Variants in UTP20 observed in about 807,000 individuals in gnomAD.
UTP20 encodes small subunit processome component 20 homolog.
Under a neutral mutation model 329.5 loss-of-function variants are expected in UTP20, and 164 were observed. That is an observed-to-expected ratio of 0.50 (90% CI 0.44 to 0.57). The LOEUF is 0.57. Among genes scored for constraint, UTP20 ranks in the 20% least tolerant of loss-of-function variants. The pLI, the probability that UTP20 is intolerant of heterozygous loss-of-function variation, is 0.00. For missense variants in UTP20, 3,055 were observed against 3,284.2 expected, an observed-to-expected ratio of 0.93 and a Z score of 1.71; for synonymous variants, 1,151 against 1,159.3, an observed-to-expected ratio of 0.99 and a Z score of 0.14.
intron 26 of UTP20, among the ~76,000 whole-genome samples, 172 bp downstream of exon 26, chr12:101,327,419 G>A (rs1231807928): frequency 2.0e-5 from 3 of 152,116 alleles, no homozygotes; most frequent in Admixed American, 6.5e-5. Context: ...ATTAAATTGC[G>A]TGAAACTGAC....
intron 19 of UTP20, among the ~76,000 whole-genome samples, chr12:101,310,434 T>C (rs1046884355): frequency 2.0e-5 from 3 of 151,560 alleles, no homozygotes; most frequent in African/African-American, 7.3e-5. Context: ...AATTAGCCAG[T>C]CATGGTGGCA....
chr12:101,293,048 G>C, intron 10 of UTP20, 120 bp from the exon 11 acceptor site: 1 of 952,948 alleles, frequency 1.0e-6, no homozygotes, highest in Non-Finnish European at 1.6e-6. Context: ...GAGAAGGCCG[G>C]GCAACTGGAC....
chr12:101,352,364 G>A (rs574394492), intron 39 of UTP20, among the ~76,000 whole-genome samples, 170 bp downstream of exon 39: 1 of 152,084 alleles, frequency 6.6e-6, no homozygotes, highest in Non-Finnish European at 1.5e-5. Context: ...AAACATACGT[G>A]TGCATGTGTC....
In UTP20 at chr12:101,300,155, T is replaced by C. The variant is rs1329823553; in HGVS notation, c.1675+94T>C. 3 of 1,246,644 alleles carry C rather than the reference T, an allele frequency of 2.4e-6. No homozygotes were observed. In the African/African-American group the frequency reaches 4.4e-5, roughly 18 times the overall value. The allele number at this position is 1,246,644 out of a possible 1,614,324, so 77.2% of individuals were successfully genotyped here. A position where few individuals can be genotyped will look rare whatever the true frequency, so the allele number is the denominator to read the frequency against. ...GAGCTATTAGAGAATAATACTTACA[T>C]TGTGTTCTGGCATAACCCCCTGGAT... On this transcript the variant is annotated intron_variant, in intron 14 of 61. Transcript: ENST00000261637.
Position 101,385,585 on chromosome 12 carries a change from C to A in UTP20, c.8059C>A (p.Pro2687Thr). The change falls in exon 61 of 62, where the codon CCT becomes ACT. Residue 2687 changes from proline to threonine, a missense_variant and splice_region_variant. This residue lies in a region of UTP20 where 337 missense variants were observed against 345.5 expected (regional missense o/e 0.98). Coordinates refer to ENST00000261637, the MANE Select transcript of UTP20 (RefSeq NM_014503.3). Reference sequence around the variant, plus strand: ...CATTACTCTTTGTGTGTGATTAGATCCTTTGCTGAAGAATCTATCCCAGGA... The same window carrying A: ...CATTACTCTTTGTGTGTGATTAGATACTTTGCTGAAGAATCTATCCCAGGA... ...ELNSTYSEQD[P>T]LLKNLSQEII... The A allele has an allele frequency of 6.2e-7, 1 of 1,609,768 alleles. No homozygotes were observed. Among genetic ancestry groups the A allele is most frequent in the Non-Finnish European group, 8.5e-7 (1 of 1,179,186 alleles).
chr12:101,327,137 C>T lies in UTP20; in HGVS notation c.3098C>T (p.Ala1033Val), dbSNP rs778864851. The change falls in exon 26 of 62, where the codon GCT (alanine) becomes GTT (valine). Residue 1033 changes from alanine to valine, a missense_variant. By Grantham distance (64) the Ala-to-Val change is moderately conservative (BLOSUM62 0). This residue lies in a region of UTP20 where 2,445 missense variants were observed against 2,575.5 expected (regional missense o/e 0.95). Transcript: ENST00000261637. ...GGGAGTAAAACTCAGGGGAAATCTG[C>T]TTCAGGCACCCGCATGGCCATTGTC... ...KTGSKTQGKS[A>V]SGTRMAIVLR... 3 of 1,613,196 alleles carry T rather than the reference C, an allele frequency of 1.9e-6. No homozygotes were observed. Among genetic ancestry groups the T allele is most frequent in the South Asian group, 2.2e-5 (2 of 91,046 alleles).
At chr12:101,286,243 G>T in intron 4 of UTP20, 78 bp from the exon 5 acceptor site, 1 of 1,281,808 alleles carries the variant, frequency 7.8e-7, no homozygotes, top group Non-Finnish European at 1.1e-6. Flanking sequence ...TATGATCATA[G>T]GCCACCTACT....
Position 101,308,284 on chromosome 12 carries a change from T to A in UTP20, c.2095T>A (p.Leu699Met). 1 of 1,612,930 alleles carries A rather than the reference T, an allele frequency of 6.2e-7. No individual in the cohort carries two copies. The highest frequency in any genetic ancestry group is 8.5e-7 in the Non-Finnish European group (1 of 1,179,538). ...VNDYREKLLH[L>M]RKLRHDVVQT... is the part of the protein sequence containing the mutation. ...TGATTATAGAGAGAAGCTTCTTCAT[T>A]TGAGAAAACTAAGACATGATGTGGT... Residue 699 changes from leucine (L) to methionine (M), a missense_variant, in exon 18 of 62, where the codon TTG becomes ATG. Around this residue, in one of 3 missense-constraint regions of UTP20, gnomAD observed 2,445 missense variants for 2,575.5 expected, o/e 0.95. Coordinates refer to ENST00000261637, the MANE Select transcript of UTP20 (RefSeq NM_014503.3).
chr12:101,331,820 A>G (rs1256713948), intron 27 of UTP20, among the ~76,000 whole-genome samples: 1 of 151,948 alleles, frequency 6.6e-6, no homozygotes, highest in East Asian at 1.9e-4. Context: ...TATCACTTGT[A>G]TGTCTAGAGC....
intron 52 of UTP20, 58 bp downstream of exon 52, chr12:101,373,021 C>G: frequency 7.0e-7 from 1 of 1,421,368 alleles, no homozygotes; most frequent in Non-Finnish European, 9.9e-7. Context: ...TTCCCTTTAA[C>G]ATGGCGGCTG....
At chr12:101,342,146 G>A (rs115359029) in intron 32 of UTP20, among the ~76,000 whole-genome samples, 1,757 of 152,108 alleles carry the variant, frequency 0.012, 33 homozygotes, top group African/African-American at 0.04. Flanking sequence ...ACCGAGGGAC[G>A]ACTGTACTTC....
intron 5 of UTP20, among the ~76,000 whole-genome samples, chr12:101,287,064 C>T (rs955011727): frequency 3.9e-5 from 6 of 152,114 alleles, no homozygotes; most frequent in African/African-American, 1.4e-4. Flanking sequence ...GTCTTATTAT[C>T]TGTTTAAGTC....
rs759579596 is a variant in UTP20, at chr12:101,299,960, C to G, written c.1587-13C>G. On this transcript the variant is annotated splice_polypyrimidine_tract_variant and intron_variant, in intron 13 of 61. Coordinates refer to ENST00000261637, the MANE Select transcript of UTP20 (RefSeq NM_014503.3). ...CCAGTTTGAACTTTTCCCTTTTTCT[C>G]CCCCTTGGACAGACCTCTTGAGAAA... 2.8e-5 allele frequency: 45 copies of G among 1,612,314 alleles called. No homozygotes were observed. The highest frequency in any genetic ancestry group is 6.7e-5 in the Admixed American group (4 of 59,648).
intron 56 of UTP20, among the ~76,000 whole-genome samples, chr12:101,376,175 T>C (rs1870464629): frequency 6.6e-6 from 1 of 152,158 alleles, no homozygotes; most frequent in Non-Finnish European, 1.5e-5. Flanking sequence ...TTTTGAGAGG[T>C]TGCTTAGTTC....
rs549641642 is a variant in UTP20, at chr12:101,310,577, C to CAAAAAA, written c.2231+754_2231+759dup. Among the ~76,000 whole-genome samples the CAAAAAA allele has an allele frequency of 1.8e-3, 82 of 44,366 alleles. 10 individuals carry two copies. Among genetic ancestry groups the CAAAAAA allele is most frequent in the African/African-American group, 7.9e-3 (72 of 9,140 alleles). The allele number at this position is 44,366 out of a possible 152,430, so 29.1% of individuals were successfully genotyped here. A position where few individuals can be genotyped will look rare whatever the true frequency, so the allele number is the denominator to read the frequency against. On this transcript the variant is annotated intron_variant, in intron 19 of 61. Coordinates refer to ENST00000261637, the MANE Select transcript of UTP20 (RefSeq NM_014503.3). ...GCAACAAGAGTGAAACTCTGTCTCC[C>CAAAAAA]AAAAAAAAAAAAAAAAAAAAATACA... is the stretch of plus-strand genomic sequence containing the variant.
intron 51 of UTP20, among the ~76,000 whole-genome samples, chr12:101,371,432 T>C (rs946528048): frequency 9.2e-5 from 14 of 151,658 alleles, no homozygotes. Context: ...CTTAGCTTGG[T>C]TGAGGAGCTC....
chr12:101,353,951 C>CTTT (rs1869626280), intron 40 of UTP20, among the ~76,000 whole-genome samples: 1 of 151,836 alleles, frequency 6.6e-6, no homozygotes, highest in Non-Finnish European at 1.5e-5. Context: ...GATTTCTAAC[C>CTTT]ATTAAAGGAA....
intron 19 of UTP20, among the ~76,000 whole-genome samples, chr12:101,311,276 T>TG (rs5800465): frequency 0.58 from 88,332 of 152,040 alleles, 28,276 homozygotes; most frequent in East Asian, 0.94. Context: ...TTCTGAAAAG[T>TG]TGTTTCATGT....
chr12:101,348,040 G>A (rs1869389322), intron 38 of UTP20, among the ~76,000 whole-genome samples: 1 of 152,118 alleles, frequency 6.6e-6, no homozygotes, highest in South Asian at 2.1e-4. Context: ...TATTCTCCAG[G>A]CTGGTCTCTA....
Sources: gnomAD v4.1 joint callset for allele counts (sites outside exome capture counted in the v4.1 genomes callset) on GRCh38, gnomAD v4.1.1 for gene constraint, gnomAD v4.1.1 regional missense constraint, MANE v1.5 for transcripts, NCBI Gene and HGNC (gene_info 2026-07-23, HGNC 2026-07-21) for gene names.